PDE4A: variants seen among roughly 807,000 people sequenced by gnomAD.
The protein encoded by PDE4A is phosphodiesterase 4A.
Under a neutral mutation model 73.9 loss-of-function variants are expected in PDE4A, and 21 were observed. That is an observed-to-expected ratio of 0.28 (90% CI 0.20 to 0.41). The LOEUF (loss-of-function observed/expected upper bound fraction) is 0.41. Ranked by LOEUF, PDE4A falls within the 10% of genes least tolerant of loss-of-function variation. The pLI is 1.00. For synonymous variants in PDE4A, 463 were observed against 505.4 expected (o/e 0.92, Z 1.13); for missense variants, 958 against 1,211.4 (o/e 0.79, Z 3.10).
chr19:10,434,719 T>C (rs1356368377), intron 1 of PDE4A, among the ~76,000 whole-genome samples: 1 of 151,864 alleles, frequency 6.6e-6, no homozygotes, highest in Admixed American at 6.6e-5. Flanking sequence ...GACTCCCAAG[T>C]AGCTAGGATT....
In PDE4A at chr19:10,463,800, G is replaced by A. The variant is rs200669683; in HGVS notation, c.1751G>A (p.Arg584Gln). 1.8e-4 allele frequency: 294 copies of A among 1,613,942 alleles called. No homozygotes were observed. The highest frequency in any genetic ancestry group is 1.6e-4 in the Non-Finnish European group (192 of 1,179,996). The change falls in exon 14 of 15, where the codon CGG (arginine) becomes CAG (glutamine). Residue 584 changes from arginine to glutamine, a missense_variant. By Grantham distance (43) the Arg-to-Gln change is conservative. Coordinates refer to ENST00000380702, the MANE Select transcript of PDE4A (RefSeq NM_001111307.2). ...DNYSDRIQVLRNMVHCADLSN... is the reference protein window; with the variant it reads ...DNYSDRIQVLQNMVHCADLSN... The stretch of plus-strand genomic sequence containing the variant: ...TGCCCCAACCCCATGCAGGTCCTCC[G>A]GAACATGGTGCACTGTGCCGACCTC...
At chr19:10,450,725 C>G in intron 5 of PDE4A, 73 bp downstream of exon 5, 1 of 1,585,726 alleles carries the variant, frequency 6.3e-7, no homozygotes, top group South Asian at 1.1e-5. Context: ...CCCTTCCCCA[C>G]CCAGCAGTCC....
intron 1 of PDE4A, among the ~76,000 whole-genome samples, chr19:10,442,382 G>A (rs2042949635): frequency 6.6e-6 from 1 of 152,110 alleles, no homozygotes; most frequent in African/African-American, 2.4e-5. Context: ...AAATTAGCCA[G>A]ATGTGCTGGT....
At chr19:10,426,193 A>G (rs1000345004) in intron 1 of PDE4A, among the ~76,000 whole-genome samples, 3 of 151,610 alleles carry the variant, frequency 2.0e-5, no homozygotes, top group Admixed American at 1.3e-4. Context: ...AAAGAAGTAA[A>G]TCCAGCTTTT....
chr19:10,426,323 C>G (rs11085733), intron 1 of PDE4A, among the ~76,000 whole-genome samples: 1 of 152,146 alleles, frequency 6.6e-6, no homozygotes, highest in Non-Finnish European at 1.5e-5. Flanking sequence ...TGCTGTAGAC[C>G]AAGTTTGTCC....
At chr19:10,423,441 A>G (rs2042676665) in intron 1 of PDE4A, among the ~76,000 whole-genome samples, 1 of 152,100 alleles carries the variant, frequency 6.6e-6, no homozygotes, top group South Asian at 2.1e-4. Flanking sequence ...GATTACAGGC[A>G]TGAGCCACTG....
chr19:10,461,766 A>G (rs1043170931), intron 12 of PDE4A, 86 bp downstream of exon 12: 1 of 1,586,160 alleles, frequency 6.3e-7, no homozygotes, highest in Non-Finnish European at 8.6e-7. Flanking sequence ...GTCCCAGAGG[A>G]ACCCTCAACC....
In PDE4A at chr19:10,467,896, A is replaced by T; in HGVS notation, c.*275A>T. 1 of 309,704 alleles carries T rather than the reference A, an allele frequency of 3.2e-6. No individual in the cohort carries two copies. The allele number at this position is 309,704 out of a possible 1,614,324, so 19.2% of individuals were successfully genotyped here. On this transcript the variant is annotated 3_prime_UTR_variant, in exon 15 of 15. Coordinates refer to ENST00000380702, the MANE Select transcript of PDE4A (RefSeq NM_001111307.2). ...ATTTTAATTGTAACATTTTTAGAAA[A>T]AGAACAAAAAAAGAAAAAAAAAAGA...
chr19:10,445,184 G>A (rs2042987560), intron 1 of PDE4A, among the ~76,000 whole-genome samples: 1 of 152,200 alleles, frequency 6.6e-6, no homozygotes, highest in Non-Finnish European at 1.5e-5. Flanking sequence ...GGTGGCCACT[G>A]AAGAAAGACT....
intron 1 of PDE4A, among the ~76,000 whole-genome samples, chr19:10,443,862 C>T (rs912436767): frequency 6.6e-6 from 1 of 151,162 alleles, no homozygotes; most frequent in Non-Finnish European, 1.5e-5. Flanking sequence ...CAAAAATTAG[C>T]CAGGTGTGGT....
chr19:10,417,771 C>A (rs1176195425), upstream of PDE4A: 2 of 1,566,986 alleles, frequency 1.3e-6, no homozygotes, highest in African/African-American at 1.4e-5. Context: ...CCAGCCTGAG[C>A]CCTCGGACCC....
intron 10 of PDE4A, among the ~76,000 whole-genome samples, chr19:10,460,586 T>C (rs957884536): frequency 3.3e-5 from 5 of 151,276 alleles, no homozygotes; most frequent in African/African-American, 7.3e-5. Context: ...GGCAGGTGAA[T>C]CACCTGAGGT....
At position 10,450,910 on chromosome 19, in the gene PDE4A, A is replaced by G. The variant is rs1171295800; in HGVS notation, c.752A>G (p.Tyr251Cys). 16 of 1,608,840 alleles carry G rather than the reference A, an allele frequency of 9.9e-6. No individual in the cohort carries two copies. The highest frequency in any genetic ancestry group is 1.2e-5 in the Non-Finnish European group (14 of 1,177,872). ...GAGCAGCTGGAGACCATGCAGACCT[A>G]TCGCTCTGTCAGCGAGATGGCCTCG... ...CLEQLETMQT[Y>C]RSVSEMASHK... The change falls in exon 6 of 15, where the codon TAT (tyrosine) becomes TGT (cysteine). Residue 251 changes from tyrosine (Y) to cysteine (C), a missense_variant. Tyr to Cys is a radical substitution (Grantham distance 194). Coordinates refer to ENST00000380702, the MANE Select transcript of PDE4A (RefSeq NM_001111307.2).
chr19:10,450,969 G>A (rs773133983), intron 6 of PDE4A, 28 bp downstream of exon 6: 2 of 1,555,502 alleles, frequency 1.3e-6, no homozygotes, highest in Non-Finnish European at 1.7e-6. Context: ...AGAACCCCTG[G>A]GCGGGGCAGG....
rs748226757 is a variant in PDE4A, at chr19:10,432,514, C to T, written c.320+11430C>T. The T allele has an allele frequency of 3.3e-6, 5 of 1,524,812 alleles. No individual in the cohort carries two copies. The South Asian group carries it at 4.9e-5, about 15-fold the overall frequency. 94.5% of individuals were successfully genotyped at this position (1,524,812 alleles called of 1,614,324 possible). The stretch of plus-strand genomic sequence containing the variant: ...CCCCCCACGGGCCCCGAGTCCCTGA[C>T]CCACTTCCCCTTCAGCGATGAGGAC... On this transcript the variant is annotated intron_variant, in intron 1 of 14. Transcript: ENST00000380702.
chr19:10,417,954 C>G (rs1341792962), upstream of PDE4A: 1 of 1,409,760 alleles, frequency 7.1e-7, no homozygotes, highest in African/African-American at 1.4e-5. Context: ...TTCCCGATCT[C>G]CATGCTCCCT....
At chr19:10,439,005 T>A (rs372800178) in intron 1 of PDE4A, among the ~76,000 whole-genome samples, 4 of 152,224 alleles carry the variant, frequency 2.6e-5, no homozygotes, top group African/African-American at 9.6e-5. Flanking sequence ...CATCTGTTGA[T>A]GGACACGTCA....
chr19:10,448,730 A>T, intron 2 of PDE4A, 187 bp from the exon 3 acceptor site: 7 of 767,450 alleles, frequency 9.1e-6, no homozygotes, highest in Non-Finnish European at 1.1e-5. Flanking sequence ...ACACTCCTTG[A>T]CTGCCATTTC....
intron 1 of PDE4A, among the ~76,000 whole-genome samples, chr19:10,427,084 G>A (rs569340387): frequency 3.3e-5 from 5 of 151,858 alleles, no homozygotes; most frequent in East Asian, 1.9e-4. Flanking sequence ...GGTGGATCAC[G>A]AGGTCACGAG....
Sources: gnomAD v4.1 joint callset for allele counts (sites outside exome capture counted in the v4.1 genomes callset) on GRCh38, gnomAD v4.1.1 for gene constraint, MANE v1.5 for transcripts, NCBI Gene and HGNC (gene_info 2026-07-23, HGNC 2026-07-21) for gene names.